The following CERS6 variants were observed in gnomAD, a reference collection of about 807,000 sequenced individuals.
CERS6 encodes ceramide synthase 6.
A neutral mutation model predicts 56.8 loss-of-function variants in CERS6; 26 were observed. The observed-to-expected ratio is 0.46, with a 90% CI of 0.34 to 0.63. The LOEUF (loss-of-function observed/expected upper bound fraction) is 0.63. Among genes scored for constraint, CERS6 ranks in the 30% least tolerant of loss-of-function variants. The probability of loss-of-function intolerance (pLI) is 0.01; values close to 1 mark genes in which losing one functional copy is unlikely to be tolerated. For synonymous variants in CERS6, 164 were observed against 173.3 expected (o/e 0.95, Z 0.42); for missense variants, 415 against 467.5 (o/e 0.89, Z 1.04).
At chr2:168,571,090 A>G (rs988691525) in intron 3 of CERS6, among the ~76,000 whole-genome samples, 5 of 152,140 alleles carry the variant, frequency 3.3e-5, no homozygotes, top group African/African-American at 1.2e-4. Context: ...TTACTTTGCC[A>G]TCAAGAGAAT....
intron 3 of CERS6, among the ~76,000 whole-genome samples, chr2:168,623,489 T>A (rs1290374528): frequency 6.6e-6 from 1 of 152,204 alleles, no homozygotes; most frequent in Non-Finnish European, 1.5e-5. Context: ...AATGCCGTGT[T>A]ACAATCTTTA....
rs115464438 is a variant in CERS6 at position 168,675,461 on chromosome 2, G to C, written c.466-15573G>C. On this transcript the variant is annotated intron_variant, in intron 4 of 9. Transcript: ENST00000305747. ...ATTAGCTGGGCATGGTGGCATGCACGTGTAGTTCCAGCTACTTGGGGGGCT... is the reference window on the plus strand; with the variant it reads ...ATTAGCTGGGCATGGTGGCATGCACCTGTAGTTCCAGCTACTTGGGGGGCT... 5.2e-3 allele frequency among the ~76,000 whole-genome samples: 788 copies of C among 151,922 alleles called. 10 individuals are homozygous for C. Among genetic ancestry groups the C allele is most frequent in the African/African-American group, 0.018 (742 of 41,508 alleles).
At chr2:168,597,938 G>A (rs1299082602) in intron 3 of CERS6, among the ~76,000 whole-genome samples, 7 of 152,136 alleles carry the variant, frequency 4.6e-5, no homozygotes, top group African/African-American at 7.2e-5. Context: ...TTCTGTAAAT[G>A]TTAACTCAGG....
chr2:168,710,288 A>G (rs1343022708), intron 6 of CERS6, among the ~76,000 whole-genome samples: 1 of 152,228 alleles, frequency 6.6e-6, no homozygotes, highest in Non-Finnish European at 1.5e-5. Flanking sequence ...TAATCAATTT[A>G]TATTTATTCA....
At chr2:168,768,695 C>T in intron 9 of CERS6, among the ~76,000 whole-genome samples, 1 of 151,906 alleles carries the variant, frequency 6.6e-6, no homozygotes, top group African/African-American at 2.4e-5. Context: ...CACCTGAGGT[C>T]AGGAGTTCCA....
intron 3 of CERS6, chr2:168,606,264 C>A (rs1684050878): frequency 6.6e-6 from 1 of 152,246 alleles, no homozygotes; most frequent in Admixed American, 6.5e-5. Flanking sequence ...GGGTTTCAGA[C>A]TTGTATAGGG....
chr2:168,505,601 A>T (rs1026832288), intron 1 of CERS6, among the ~76,000 whole-genome samples: 1 of 151,986 alleles, frequency 6.6e-6, no homozygotes, highest in African/African-American at 2.4e-5. Context: ...CTGGATGGGG[A>T]TGTATAAAAG....
intron 4 of CERS6, among the ~76,000 whole-genome samples, chr2:168,658,964 C>T (rs919611462): frequency 6.6e-6 from 1 of 152,212 alleles, no homozygotes; most frequent in Non-Finnish European, 1.5e-5. Flanking sequence ...TGAAACCTGT[C>T]ACTGGATATC....
At chr2:168,768,921 AAG>A in intron 9 of CERS6, among the ~76,000 whole-genome samples, 1 of 150,494 alleles carries the variant, frequency 6.6e-6, no homozygotes. Flanking sequence ...AAAAAAAAAA[AAG>A]AAAAGAAAAA....
intron 3 of CERS6, among the ~76,000 whole-genome samples, chr2:168,607,455 C>T (rs1684079704): frequency 6.6e-6 from 1 of 152,152 alleles, no homozygotes; most frequent in Non-Finnish European, 1.5e-5. Flanking sequence ...GATCTCAGCT[C>T]ACTGCAACCT....
chr2:168,645,013 A>AC (rs2105309814), intron 4 of CERS6, among the ~76,000 whole-genome samples: 1 of 142,958 alleles, frequency 7.0e-6, no homozygotes, highest in African/African-American at 2.6e-5. Context: ...AATTTCTTGA[A>AC]CCCGGGGGCG....
intron 1 of CERS6, among the ~76,000 whole-genome samples, chr2:168,511,066 A>C (rs1048750787): frequency 2.0e-5 from 3 of 152,104 alleles, no homozygotes; most frequent in South Asian, 4.1e-4. Flanking sequence ...TAAATTTCTC[A>C]AATCTCCTTT....
intron 1 of CERS6, among the ~76,000 whole-genome samples, chr2:168,485,861 CATGATTTGGCAATCATGCAGCTTG>C (rs1694266705): frequency 6.6e-6 from 1 of 152,146 alleles, no homozygotes; most frequent in Non-Finnish European, 1.5e-5. Flanking sequence ...TAATACCTAG[CATGATTTGGCAATCATGCAGCTTG>C]ATTGCCAGAT....
chr2:168,594,949 G>C (rs1035641087), intron 3 of CERS6, among the ~76,000 whole-genome samples: 2 of 152,178 alleles, frequency 1.3e-5, no homozygotes, highest in Admixed American at 1.3e-4. Context: ...TTGATTCAAA[G>C]TGAATCTGAA....
At chr2:168,723,214 C>T (rs553317570) in intron 8 of CERS6, among the ~76,000 whole-genome samples, 2 of 152,258 alleles carry the variant, frequency 1.3e-5, no homozygotes, top group African/African-American at 2.4e-5. Context: ...AATTCAGCTA[C>T]CACATGAATA....
intron 1 of CERS6, among the ~76,000 whole-genome samples, chr2:168,512,987 G>A (rs1441057498): frequency 2.0e-5 from 3 of 151,868 alleles, no homozygotes; most frequent in African/African-American, 7.3e-5. Context: ...TTTCTTCTGG[G>A]GATCATTTTA....
intron 1 of CERS6, among the ~76,000 whole-genome samples, chr2:168,463,718 G>A (rs988379823): frequency 7.9e-5 from 12 of 152,066 alleles, no homozygotes; most frequent in African/African-American, 2.9e-4. Context: ...GACCAGCTGC[G>A]GCAACATGGC....
chr2:168,680,436 T>G (rs9678726), intron 4 of CERS6, among the ~76,000 whole-genome samples: 3 of 152,200 alleles, frequency 2.0e-5, no homozygotes, highest in African/African-American at 4.8e-5. Context: ...CCATGAGCTA[T>G]AGGAAAGCAT....
In CERS6 at chr2:168,561,890, A is replaced by G. The variant is rs144049078; in HGVS notation, c.407+568A>G. Among the ~76,000 whole-genome samples, 629 of 152,320 alleles carry G rather than the reference A, an allele frequency of 4.1e-3. 2 individuals carry two copies. The highest frequency in any genetic ancestry group is 0.014 in the African/African-American group (595 of 41,572). Reference sequence around the variant, plus strand: ...TTATATATCAATAAGGCTGTTAAATATATTAAAGGACCCACAGAGAGCTCT... The same window carrying G: ...TTATATATCAATAAGGCTGTTAAATGTATTAAAGGACCCACAGAGAGCTCT... On this transcript the variant is annotated intron_variant, in intron 3 of 9. Transcript: ENST00000305747.
Sources: allele counts gnomAD v4.1 joint callset (sites outside exome capture counted in the v4.1 genomes callset), GRCh38; gene constraint gnomAD v4.1.1; transcripts MANE v1.5; gene names NCBI Gene and HGNC (gene_info 2026-07-23, HGNC 2026-07-21).